CEBPZOS: variants seen among roughly 807,000 people sequenced by gnomAD.
CEBPZOS encodes the protein protein CEBPZOS.
CEBPZOS carries 10 observed loss-of-function variants against 4.8 expected under a neutral mutation model. That is an observed-to-expected ratio of 2.07 (90% CI 1.28 to 3.52). CEBPZOS has a LOEUF of 3.52. Ranked by LOEUF, CEBPZOS falls within the 30% of genes most tolerant of loss-of-function variation. The probability of loss-of-function intolerance (pLI) is 0.00; values close to 1 mark genes in which losing one functional copy is unlikely to be tolerated. For synonymous variants in CEBPZOS, 25 were observed against 14.2 expected (o/e 1.77, Z -1.72); for missense variants, 98 against 43.6 (o/e 2.25, Z -3.51).
chr2:37,200,956 T>C, intron 2 of CEBPZOS, 92 bp from the exon 3 acceptor site: 1 of 680,320 alleles, frequency 1.5e-6, no homozygotes, highest in Non-Finnish European at 2.7e-6. Context: ...GTTCCCATCA[T>C]ATGGACCCTA....
At chr2:37,198,040 C>T (rs1268338212) in intron 1 of CEBPZOS, among the ~76,000 whole-genome samples, 1 of 149,756 alleles carries the variant, frequency 6.7e-6, no homozygotes, top group Admixed American at 6.7e-5. Flanking sequence ...GGAGTCCCAG[C>T]TCCCAGCTAC....
chr2:37,210,810 CAG>C, intron 4 of CEBPZOS: 1 of 475,604 alleles, frequency 2.1e-6, no homozygotes, highest in Non-Finnish European at 3.7e-6. Flanking sequence ...AAAGATGATC[CAG>C]AGATATCTGA....
At chr2:37,196,690 A>C (rs921957973) in intron 1 of CEBPZOS, 170 bp downstream of exon 1, 3 of 152,312 alleles carry the variant, frequency 2.0e-5, no homozygotes, top group East Asian at 1.9e-4. Flanking sequence ...CCGGGTCGCT[A>C]GGCGGCCGTG....
Position 37,203,087 on chromosome 2 carries a change from T to TTTAAAAA in CEBPZOS, c.*1231_*1237dup. On this transcript the variant is annotated 3_prime_UTR_variant, in exon 5 of 5. Transcript: ENST00000402297. ...AAAATGCAATGCAACATGATTTTAT[T>TTTAAAAA]TTAAAAATTATACTTGGGTAAAAAC... 1.0e-6 allele frequency: 1 copy of TTTAAAAA among 979,280 alleles called. No individual in the cohort carries two copies. The highest frequency in any genetic ancestry group is 1.5e-6 in the Non-Finnish European group (1 of 674,158). 60.7% of individuals were successfully genotyped at this position (979,280 alleles called of 1,614,324 possible).
chr2:37,211,358 T>C, intron 4 of CEBPZOS: 1 of 278,904 alleles, frequency 3.6e-6, no homozygotes, highest in Non-Finnish European at 6.6e-6. Flanking sequence ...AAGAAACTTC[T>C]GCTGTGGTTC....
intron 2 of CEBPZOS, 81 bp downstream of exon 2, chr2:37,199,900 T>C (rs1677132978): frequency 3.1e-6 from 2 of 653,054 alleles, no homozygotes; most frequent in East Asian, 2.7e-5. Flanking sequence ...GGCAATGGCA[T>C]GTTTGGAGAA....
chr2:37,202,020 C>T lies in CEBPZOS; in HGVS notation c.*160C>T, dbSNP rs1677269744. ...GCCTGCCTTGGCCTGTGGTTTCCCA[C>T]CCACTATACAAACCCACTGCTTGTT... On this transcript the variant is annotated 3_prime_UTR_variant, in exon 5 of 5. Coordinates refer to ENST00000402297, the MANE Select transcript of CEBPZOS (RefSeq NM_001322374.2). 1 of 818,692 alleles carries T rather than the reference C, an allele frequency of 1.2e-6. No individual in the cohort carries two copies. The highest frequency in any genetic ancestry group is 2.1e-5 in the South Asian group (1 of 46,672). The allele number at this position is 818,692 out of a possible 1,614,324, so 50.7% of individuals were successfully genotyped here. A position where few individuals can be genotyped will look rare whatever the true frequency, so the allele number is the denominator to read the frequency against.
chr2:37,213,991 T>A (rs1461001604), downstream of CEBPZOS: 2 of 1,266,738 alleles, frequency 1.6e-6, no homozygotes, highest in African/African-American at 3.1e-5. Flanking sequence ...TATTTGACAA[T>A]TTTATTAAAG....
At chr2:37,213,848 CAACAA>C, downstream of CEBPZOS, 2 of 1,551,246 alleles carry the variant, frequency 1.3e-6, no homozygotes, top group Non-Finnish European at 1.8e-6. Flanking sequence ...TACAAAGAGT[CAACAA>C]AACAAATTAC....
downstream of CEBPZOS, among the ~76,000 whole-genome samples, chr2:37,214,438 A>G (rs746522265): frequency 2.0e-5 from 3 of 152,156 alleles, no homozygotes. Context: ...TAAATTACCC[A>G]TGAGTTATCA....
At chr2:37,198,171 TA>T (rs145078498) in intron 1 of CEBPZOS, among the ~76,000 whole-genome samples, 4 of 147,612 alleles carry the variant, frequency 2.7e-5, no homozygotes, top group African/African-American at 7.4e-5. Context: ...AAAAATAAAA[TA>T]AAAAAAAAAT....
intron 2 of CEBPZOS, among the ~76,000 whole-genome samples, chr2:37,200,807 G>T (rs1463751766): frequency 6.6e-6 from 1 of 152,200 alleles, no homozygotes; most frequent in Non-Finnish European, 1.5e-5. Context: ...GCCCAGGGGG[G>T]TCTAGGCAGT....
In CEBPZOS at chr2:37,198,771, A is replaced by G. The variant is rs1375566815; in HGVS notation, c.-1-933A>G. 2.6e-5 allele frequency: 4 copies of G among 152,260 alleles called. No individual in the cohort carries two copies. In the East Asian group the frequency reaches 7.7e-4, roughly 29 times the overall value. The allele number at this position is 152,260 out of a possible 1,614,324, so 9.4% of individuals were successfully genotyped here. On this transcript the variant is annotated intron_variant, in intron 1 of 4. Transcript: ENST00000402297. ...ATTAGCTTTTAAAGGAAGACAATCA[A>G]GATCTAACCGGTCTGTAGTTTTGCC...
At chr2:37,207,247 A>C (rs1226175403), downstream of CEBPZOS, among the ~76,000 whole-genome samples, 10 of 152,250 alleles carry the variant, frequency 6.6e-5, no homozygotes, top group Non-Finnish European at 4.4e-5. Flanking sequence ...CGGGTCATCA[A>C]GACAGAAAGT....
At chr2:37,197,085 T>C (rs1310187370) in intron 1 of CEBPZOS, among the ~76,000 whole-genome samples, 1 of 152,152 alleles carries the variant, frequency 6.6e-6, no homozygotes, top group Non-Finnish European at 1.5e-5. Flanking sequence ...CGTGTGATGT[T>C]AACTGCATGA....
chr2:37,213,865 A>C (rs775048294), downstream of CEBPZOS: 2 of 1,596,928 alleles, frequency 1.3e-6, no homozygotes, highest in Admixed American at 1.7e-5. Flanking sequence ...ACAAATTACC[A>C]ATCAGCTCTT....
downstream of CEBPZOS, chr2:37,209,009 A>G (rs1677630530): frequency 6.6e-6 from 1 of 150,970 alleles, no homozygotes; most frequent in South Asian, 2.1e-4. Flanking sequence ...CCAAGCTGAG[A>G]ATCAAATCAA....
Position 37,202,164 on chromosome 2 carries a change from A to G in CEBPZOS, c.*304A>G, listed in dbSNP as rs1395693456. On this transcript the variant is annotated 3_prime_UTR_variant, in exon 5 of 5. Transcript: ENST00000402297. ...TCTCCCCAAGCACTTTTACTGGTGA[A>G]ATAAAAACCAGTAACAATCAATATG... 1.4e-5 allele frequency: 4 copies of G among 282,350 alleles called. No individual in the cohort carries two copies. Among genetic ancestry groups the G allele is most frequent in the Non-Finnish European group, 2.6e-5 (4 of 153,930 alleles). The allele number at this position is 282,350 out of a possible 1,614,324, so 17.5% of individuals were successfully genotyped here.
Position 37,201,855 on chromosome 2 carries a change from T to A in CEBPZOS, c.*3-8T>A. On this transcript the variant is annotated splice_region_variant and splice_polypyrimidine_tract_variant and intron_variant, in intron 4 of 4. Transcript: ENST00000402297. ...CTTGATGATACTTTTTGCATCTCTG[T>A]TGTGTAGCCAGTCATCACGTTCAGC... 1.2e-6 allele frequency: 2 copies of A among 1,613,880 alleles called. No homozygotes were observed. Among genetic ancestry groups the A allele is most frequent in the African/African-American group, 2.7e-5 (2 of 75,042 alleles).
Sources: gnomAD v4.1 joint callset for allele counts (sites outside exome capture counted in the v4.1 genomes callset) on GRCh38, gnomAD v4.1.1 for gene constraint, MANE v1.5 for transcripts, NCBI Gene and HGNC (gene_info 2026-07-23, HGNC 2026-07-21) for gene names.